The following DPP6 variants were observed in gnomAD, a reference collection of about 807,000 sequenced individuals.
The protein encoded by DPP6 is A-type potassium channel modulatory protein DPP6.
In DPP6, 69 loss-of-function variants were observed where a neutral mutation model predicts 122.6. The observed-to-expected ratio is 0.56, with a 90% confidence interval of 0.46 to 0.69. The LOEUF is 0.69. DPP6 is among the 30% of genes least tolerant of loss of function. The probability of loss-of-function intolerance (pLI) is 0.00; values close to 1 mark genes in which losing one functional copy is unlikely to be tolerated. For missense variants in DPP6, 928 were observed against 1,116.9 expected (o/e 0.83, Z 2.41); for synonymous variants, 418 against 433.1 (o/e 0.97, Z 0.43).
chr7:153,927,785 A>G (rs1432623993), intron 1 of DPP6, among the ~76,000 whole-genome samples: 4 of 152,116 alleles, frequency 2.6e-5, no homozygotes, highest in African/African-American at 4.8e-5. Context: ...TAGCTAAACG[A>G]TGGGGGCTCC....
chr7:153,992,474 GT>G (rs1449704172), intron 1 of DPP6, among the ~76,000 whole-genome samples: 1 of 151,706 alleles, frequency 6.6e-6, no homozygotes, highest in Non-Finnish European at 1.5e-5. Flanking sequence ...TGTAAGTGTG[GT>G]GTCCTATAAC....
intron 1 of DPP6, among the ~76,000 whole-genome samples, chr7:153,953,827 A>G (rs1482049475): frequency 1.3e-5 from 2 of 152,248 alleles, no homozygotes; most frequent in African/African-American, 2.4e-5. Flanking sequence ...CTACAGGCAC[A>G]CATACAAAGA....
intron 1 of DPP6, among the ~76,000 whole-genome samples, chr7:154,042,728 A>G (rs2129058390): frequency 6.6e-6 from 1 of 152,352 alleles, no homozygotes; most frequent in Non-Finnish European, 1.5e-5. Flanking sequence ...TTTTAAGGCA[A>G]ACTAGAATTG....
intron 16 of DPP6, among the ~76,000 whole-genome samples, chr7:154,840,423 A>G (rs951803520): frequency 9.9e-5 from 15 of 152,180 alleles, no homozygotes; most frequent in Non-Finnish European, 4.4e-5. Flanking sequence ...CCTCCTCACT[A>G]CAGTGACCTG....
At position 154,794,143 on chromosome 7, in the gene DPP6, C is replaced by T; in HGVS notation, c.1201C>T (p.Arg401Trp). The T allele has an allele frequency of 1.2e-6, 2 of 1,613,296 alleles. No individual in the cohort carries two copies. The highest frequency in any genetic ancestry group is 1.7e-6 in the Non-Finnish European group (2 of 1,179,598). Residue 401 changes from arginine (R) to tryptophan (W), a missense_variant, in exon 11 of 26, where the codon CGG becomes TGG. By Grantham distance (101) the Arg-to-Trp change is moderately radical. Coordinates refer to ENST00000377770, the MANE Select transcript of DPP6 (RefSeq NM_130797.4). ...STKVAVTWLN[R>W]AQNVSILTLC... ...CAAGGTCGCCGTGACCTGGCTGAAC[C>T]GGGCGCAGAACGTGTCCATCCTCAC...
chr7:153,861,420 T>C, the DPP6 span, among the ~76,000 whole-genome samples: 1 of 152,220 alleles, frequency 6.6e-6, no homozygotes, highest in Non-Finnish European at 1.5e-5. Context: ...TATTTTCTAA[T>C]GCATGTAGCA....
chr7:154,355,354 G>C (rs750693202), intron 1 of DPP6, among the ~76,000 whole-genome samples: 2 of 152,010 alleles, frequency 1.3e-5, no homozygotes, highest in Non-Finnish European at 2.9e-5. Context: ...TTTCACAATG[G>C]TGTCTTTTGA....
chr7:154,165,953 G>T (rs1484218875), intron 1 of DPP6, among the ~76,000 whole-genome samples: 2 of 152,146 alleles, frequency 1.3e-5, no homozygotes. Context: ...AGTTTAAAAT[G>T]AGCAGTTTTA....
intron 7 of DPP6, among the ~76,000 whole-genome samples, chr7:154,681,638 G>A (rs576811224): frequency 4.6e-5 from 7 of 152,156 alleles, no homozygotes; most frequent in Admixed American, 3.9e-4. Flanking sequence ...ATTCTCCTTC[G>A]TGCACCTAAT....
intron 20 of DPP6, among the ~76,000 whole-genome samples, chr7:154,879,709 G>A (rs10228644): frequency 0.24 from 36,931 of 151,978 alleles, 5,286 homozygotes; most frequent in East Asian, 0.58. Context: ...CCACGATCAC[G>A]CCACTGCACT....
chr7:154,811,996 A>G (rs919556359), intron 16 of DPP6, among the ~76,000 whole-genome samples: 1 of 152,224 alleles, frequency 6.6e-6, no homozygotes, highest in Non-Finnish European at 1.5e-5. Context: ...AGGCTTCTCT[A>G]TGGTAAAATC....
intron 8 of DPP6, among the ~76,000 whole-genome samples, chr7:154,767,655 A>T (rs528165871): frequency 2.0e-5 from 3 of 152,288 alleles, no homozygotes; most frequent in Admixed American, 2.0e-4. Flanking sequence ...GGGATGCTAG[A>T]GGCGGCTGTT....
intron 3 of DPP6, among the ~76,000 whole-genome samples, chr7:154,495,157 T>C (rs1824620467): frequency 6.6e-6 from 1 of 152,168 alleles, no homozygotes; most frequent in Non-Finnish European, 1.5e-5. Context: ...CTGATCAGAA[T>C]ATGGATTTGG....
intron 1 of DPP6, among the ~76,000 whole-genome samples, chr7:153,891,276 C>T (rs986184555): frequency 1.6e-4 from 25 of 152,028 alleles, no homozygotes; most frequent in Admixed American, 8.5e-4. Context: ...CCCGCCTCGG[C>T]CTCCCAAAGT....
rs1324763543 is a variant in DPP6, at chr7:154,062,730, G to C, written c.243+9667G>C. ...GGCTGTTGGTACCCCCATCGTAGGG[G>C]GGGGGAGGCACCCTCCGCGAGGCAG... is the stretch of plus-strand genomic sequence containing the variant. On this transcript the variant is annotated intron_variant, in intron 1 of 25. Coordinates refer to ENST00000377770, the MANE Select transcript of DPP6 (RefSeq NM_130797.4). Among the ~76,000 whole-genome samples the C allele has an allele frequency of 6.5e-5, 4 of 61,766 alleles. 1 individual carries two copies. The highest frequency in any genetic ancestry group is 1.2e-4 in the Non-Finnish European group (4 of 34,018). 40.5% of individuals were successfully genotyped at this position (61,766 alleles called of 152,430 possible).
the DPP6 span, among the ~76,000 whole-genome samples, chr7:153,801,447 G>A: frequency 2.6e-5 from 4 of 152,188 alleles, no homozygotes; most frequent in African/African-American, 9.7e-5. Flanking sequence ...GACAGCAGGT[G>A]TACAGCGGTA....
intron 1 of DPP6, among the ~76,000 whole-genome samples, chr7:154,031,861 GTTTT>G (rs570904091): frequency 8.3e-6 from 1 of 120,336 alleles, no homozygotes; most frequent in African/African-American, 3.3e-5. Context: ...CCTTTTTTTT[GTTTT>G]TTTTTTTTTT....
At chr7:153,941,155 G>A (rs1057428357) in intron 1 of DPP6, among the ~76,000 whole-genome samples, 5 of 152,184 alleles carry the variant, frequency 3.3e-5, no homozygotes, top group African/African-American at 4.8e-5. Context: ...AAATGAGTTC[G>A]TGCATAGCAG....
chr7:154,704,522 A>C (rs776990841), intron 7 of DPP6, among the ~76,000 whole-genome samples: 1 of 152,188 alleles, frequency 6.6e-6, no homozygotes, highest in African/African-American at 2.4e-5. Context: ...AGGAAGAATC[A>C]ATCAATGTGC....
Sources: allele counts gnomAD v4.1 joint callset (sites outside exome capture counted in the v4.1 genomes callset), GRCh38; gene constraint gnomAD v4.1.1; transcripts MANE v1.5; gene names NCBI Gene and HGNC (gene_info 2026-07-23, HGNC 2026-07-21).